The following PPARGC1A variants were observed in gnomAD, a reference collection of about 807,000 sequenced individuals.
PPARGC1A encodes peroxisome proliferator-activated receptor gamma coactivator 1-alpha.
Under a neutral mutation model 88.7 loss-of-function variants are expected in PPARGC1A, and 25 were observed. The observed-to-expected ratio is 0.28, with a 90% CI of 0.21 to 0.39. The LOEUF (loss-of-function observed/expected upper bound fraction) is 0.39. PPARGC1A is among the 10% of genes least tolerant of loss of function. The probability of loss-of-function intolerance (pLI) is 1.00; values close to 1 mark genes in which losing one functional copy is unlikely to be tolerated. For missense variants in PPARGC1A, 880 were observed against 968.7 expected (o/e 0.91, Z 1.22); for synonymous variants, 363 against 355.6 (o/e 1.02, Z -0.24).
chr4:23,980,806 C>T, the PPARGC1A span, among the ~76,000 whole-genome samples: 2 of 152,094 alleles, frequency 1.3e-5, no homozygotes, highest in East Asian at 3.9e-4. Context: ...GGTAGCTGGC[C>T]TCCAAACTGA....
chr4:24,118,896 C>A, the PPARGC1A span, among the ~76,000 whole-genome samples: 1 of 151,994 alleles, frequency 6.6e-6, no homozygotes, highest in Non-Finnish European at 1.5e-5. Context: ...GAATAATAGG[C>A]TCCAACCTGA....
the PPARGC1A span, among the ~76,000 whole-genome samples, chr4:24,312,633 CAAA>C: frequency 6.3e-5 from 8 of 126,008 alleles, no homozygotes; most frequent in Admixed American, 8.3e-5. Context: ...TTTCATCAAC[CAAA>C]AAAAAAAAAA....
chr4:24,178,721 C>T, the PPARGC1A span, among the ~76,000 whole-genome samples: 1 of 152,192 alleles, frequency 6.6e-6, no homozygotes, highest in Non-Finnish European at 1.5e-5. Flanking sequence ...CCAGTGCCAG[C>T]ATTTGAGTGC....
chr4:23,802,724 T>C (rs1340687178), intron 10 of PPARGC1A, among the ~76,000 whole-genome samples: 1 of 123,946 alleles, frequency 8.1e-6, no homozygotes, highest in African/African-American at 3.0e-5. Flanking sequence ...GAAACATTCA[T>C]AAATGTACAA....
the PPARGC1A span, among the ~76,000 whole-genome samples, chr4:24,101,176 C>G: frequency 6.6e-6 from 1 of 152,134 alleles, no homozygotes; most frequent in Non-Finnish European, 1.5e-5. Flanking sequence ...GCACCATCCC[C>G]CTAGTGCTGT....
the PPARGC1A span, among the ~76,000 whole-genome samples, chr4:24,294,590 C>T: frequency 6.6e-6 from 1 of 152,126 alleles, no homozygotes. Flanking sequence ...TCCCCACCCC[C>T]ACTCCCAAAA....
the PPARGC1A span, among the ~76,000 whole-genome samples, chr4:24,232,238 T>G: frequency 1.3e-5 from 2 of 151,034 alleles, no homozygotes; most frequent in African/African-American, 4.9e-5. Context: ...AAAAAAATCC[T>G]GGAGCAGAAT....
the PPARGC1A span, among the ~76,000 whole-genome samples, chr4:23,958,557 C>T: frequency 6.6e-6 from 1 of 152,126 alleles, no homozygotes; most frequent in Admixed American, 6.6e-5. Context: ...TTCATTTTGC[C>T]TTAATGGTAT....
At chr4:24,173,665 G>A in the PPARGC1A span, among the ~76,000 whole-genome samples, 15 of 152,206 alleles carry the variant, frequency 9.9e-5, no homozygotes, top group Non-Finnish European at 2.1e-4. Flanking sequence ...GCATATTACA[G>A]CACAATGGTT....
At chr4:23,936,882 A>T in the PPARGC1A span, among the ~76,000 whole-genome samples, 3 of 152,120 alleles carry the variant, frequency 2.0e-5, no homozygotes, top group East Asian at 5.8e-4. Flanking sequence ...ACAAAACAAA[A>T]GCCTAATCAT....
the PPARGC1A span, among the ~76,000 whole-genome samples, chr4:24,063,747 C>G: frequency 6.6e-6 from 1 of 152,166 alleles, no homozygotes; most frequent in Non-Finnish European, 1.5e-5. Context: ...CTTCCCCCTA[C>G]TGCTAATGCA....
the PPARGC1A span, among the ~76,000 whole-genome samples, chr4:24,453,246 T>G: frequency 6.6e-6 from 1 of 152,178 alleles, no homozygotes; most frequent in Non-Finnish European, 1.5e-5. Flanking sequence ...CCTTCGGAAC[T>G]GTGAGGAAAT....
At chr4:24,224,188 C>T in the PPARGC1A span, among the ~76,000 whole-genome samples, 1 of 152,120 alleles carries the variant, frequency 6.6e-6, no homozygotes, top group Non-Finnish European at 1.5e-5. Context: ...TAACCAAATC[C>T]CTCAGATAGA....
At position 23,889,951 on chromosome 4, in the gene PPARGC1A, A is replaced by T. The variant is rs981976152; in HGVS notation, c.7T>A (p.Trp3Arg). 1.2e-6 allele frequency: 2 copies of T among 1,613,826 alleles called. No homozygotes were observed. Among genetic ancestry groups the T allele is most frequent in the Non-Finnish European group, 1.7e-6 (2 of 1,179,812 alleles). MA[W>R]DMCNQDSESV... ...TCAGAGTCCTGGTTGCACATGTCCC[A>T]CGCCATCCAGCTCCTGAATGACGCC... The change falls in exon 1 of 13, where the codon TGG becomes AGG. Residue 3 changes from tryptophan (W) to arginine (R), a missense_variant. Transcript: ENST00000264867.
the PPARGC1A span, among the ~76,000 whole-genome samples, chr4:24,462,039 T>C: frequency 6.6e-6 from 1 of 152,130 alleles, no homozygotes; most frequent in Non-Finnish European, 1.5e-5. Context: ...GGCAGCATTT[T>C]TTTTCTTTTT....
chr4:24,057,295 G>A, the PPARGC1A span, among the ~76,000 whole-genome samples: 1 of 152,166 alleles, frequency 6.6e-6, no homozygotes, highest in African/African-American at 2.4e-5. Flanking sequence ...CAAGGGCCAG[G>A]TGGTAGGGAG....
At chr4:24,256,511 G>C in the PPARGC1A span, among the ~76,000 whole-genome samples, 1 of 152,098 alleles carries the variant, frequency 6.6e-6, no homozygotes. Flanking sequence ...TATTATTTAT[G>C]CACTCAGCTT....
chr4:24,062,283 G>A, the PPARGC1A span, among the ~76,000 whole-genome samples: 3 of 152,266 alleles, frequency 2.0e-5, no homozygotes, highest in East Asian at 5.8e-4. Context: ...CTCAGCTTTT[G>A]ATGCCTCCTA....
At chr4:24,186,169 G>T in the PPARGC1A span, among the ~76,000 whole-genome samples, 1 of 152,028 alleles carries the variant, frequency 6.6e-6, no homozygotes, top group African/African-American at 2.4e-5. Context: ...GAGAGGGTGG[G>T]CAAAAGAAGA....
Sources: allele counts gnomAD v4.1 joint callset (sites outside exome capture counted in the v4.1 genomes callset), GRCh38; gene constraint gnomAD v4.1.1; transcripts MANE v1.5; gene names NCBI Gene and HGNC (gene_info 2026-07-23, HGNC 2026-07-21).